Variants in ACACA observed in about 807,000 individuals in gnomAD.
The protein encoded by ACACA is acetyl-CoA carboxylase 1.
In ACACA, 103 loss-of-function variants were observed where a neutral mutation model predicts 296.1. That is an observed-to-expected ratio of 0.35 (90% CI 0.30 to 0.41). The LOEUF (loss-of-function observed/expected upper bound fraction) is 0.41. Among genes scored for constraint, ACACA ranks in the 10% least tolerant of loss-of-function variants. The pLI is 1.00. For missense variants in ACACA, 1,554 were observed against 2,989.7 expected, an observed-to-expected ratio of 0.52 and a Z score of 11.20; for synonymous variants, 953 against 1,038.6, an observed-to-expected ratio of 0.92 and a Z score of 1.58.
chr17:37,366,784 T>TAA, intron 1 of ACACA, among the ~76,000 whole-genome samples: 1 of 149,772 alleles, frequency 6.7e-6, no homozygotes, highest in Middle Eastern at 3.4e-3. Context: ...CACGTCTTTT[T>TAA]AAAAAAAAAA....
chr17:37,283,227 T>C (rs1249101019), intron 5 of ACACA, 40 bp downstream of exon 5: 2 of 1,613,340 alleles, frequency 1.2e-6, no homozygotes, highest in African/African-American at 1.3e-5. Flanking sequence ...TTCCATGTTT[T>C]AGTTTTGAGA....
chr17:37,187,530 A>G (rs1002480641), intron 39 of ACACA, among the ~76,000 whole-genome samples: 4 of 152,236 alleles, frequency 2.6e-5, no homozygotes, highest in African/African-American at 9.6e-5. Flanking sequence ...TTTCAGTATC[A>G]TAGTAAAGAG....
At chr17:37,318,963 C>T (rs1024766563) in intron 3 of ACACA, among the ~76,000 whole-genome samples, 2 of 152,152 alleles carry the variant, frequency 1.3e-5, no homozygotes, top group Non-Finnish European at 2.9e-5. Context: ...ATTAAAATAT[C>T]ATCATTAATG....
chr17:37,217,154 G>A (rs375730570), intron 29 of ACACA, among the ~76,000 whole-genome samples: 13 of 151,166 alleles, frequency 8.6e-5, no homozygotes, highest in Non-Finnish European at 1.6e-4. Context: ...CCAGCTAATC[G>A]GGAGGCTGAG....
In ACACA at chr17:37,113,011, T is replaced by A; in HGVS notation, c.6452+77A>T. ...GATGTGGGTGCTGTAGTGCCATGGC[T>A]GTAACATTCTCCAGGAGGAAACCAA... On this transcript the variant is annotated intron_variant, in intron 51 of 55. Coordinates refer to ENST00000616317, the MANE Select transcript of ACACA (RefSeq NM_198834.3). This position sits in a 1 kb window ranked among gnomAD's most constrained non-coding sequence, Gnocchi z 4.0. The A allele has an allele frequency of 1.3e-6, 2 of 1,562,680 alleles. No homozygotes were observed. Among genetic ancestry groups the A allele is most frequent in the Non-Finnish European group, 1.8e-6 (2 of 1,138,320 alleles).
chr17:37,263,105 T>C (rs761183706), intron 11 of ACACA, among the ~76,000 whole-genome samples: 1 of 152,152 alleles, frequency 6.6e-6, no homozygotes, highest in Non-Finnish European at 1.5e-5. Context: ...ACATAGGAAA[T>C]AGACCTCTAA....
chr17:37,244,695 T>C lies in ACACA; in HGVS notation c.2635A>G (p.Thr879Ala). ...TGGAGTTTCTCGCCTCTGAGTGCCG[T>C]GCTCTGGATCCGTGGCAGACTACCT... The part of the protein sequence containing the change: ...HTGSLPRIQS[T>A]ALRGEKLHRV... The change falls in exon 21 of 56, where the codon ACG becomes GCG. Residue 879 changes from threonine to alanine, a missense_variant. Around this residue, in one of 16 missense-constraint regions of ACACA, gnomAD observed 316 missense variants for 540.9 expected, o/e 0.58. Coordinates refer to ENST00000616317, the MANE Select transcript of ACACA (RefSeq NM_198834.3). 6.2e-7 allele frequency: 1 copy of C among 1,614,188 alleles called. No individual in the cohort carries two copies. Among genetic ancestry groups the C allele is most frequent in the East Asian group, 2.2e-5 (1 of 44,886 alleles).
intron 1 of ACACA, chr17:37,369,369 C>G (rs2049720416): frequency 6.6e-6 from 1 of 152,198 alleles, no homozygotes; most frequent in Admixed American, 6.6e-5. Flanking sequence ...GTGATACACG[C>G]CTGTAGTCCC....
rs2078570467 is a variant in ACACA at position 37,207,736 on chromosome 17, G to A, written c.3772C>T (p.Leu1258=). The change falls in exon 31 of 56, where the codon CTG becomes TTG. Residue 1258 remains leucine (L), a synonymous_variant. Coordinates refer to ENST00000616317, the MANE Select transcript of ACACA (RefSeq NM_198834.3). ...GGTGGAGTGAATGAGTTGTCCAACA[G>A]TACATCGCTGACACTAGCTACATGG... The part of the protein sequence containing the change: ...MTHVASVSDV[L]LDNSFTPPCQ... 1 of 1,613,840 alleles carries A rather than the reference G, an allele frequency of 6.2e-7. No individual in the cohort carries two copies. The highest frequency in any genetic ancestry group is 1.3e-5 in the African/African-American group (1 of 74,912).
At chr17:37,197,227 T>C (rs386493571) in intron 35 of ACACA, among the ~76,000 whole-genome samples, 21 of 152,334 alleles carry the variant, frequency 1.4e-4, no homozygotes, top group Non-Finnish European at 2.6e-4. Context: ...AATCAGTACC[T>C]AACAATATAC....
chr17:37,388,086 G>A (rs1189115318), intron 1 of ACACA, among the ~76,000 whole-genome samples: 2 of 152,124 alleles, frequency 1.3e-5, no homozygotes, highest in African/African-American at 2.4e-5. Flanking sequence ...GATGGTTTGA[G>A]CCTGGGAGAT....
Position 37,085,587 on chromosome 17 carries a change from C to T in ACACA, c.*1729G>A, listed in dbSNP as rs2072145791. 2.5e-6 allele frequency: 1 copy of T among 398,830 alleles called. No individual in the cohort carries two copies. The highest frequency in any genetic ancestry group is 4.4e-6 in the Non-Finnish European group (1 of 226,080). The allele number at this position is 398,830 out of a possible 1,614,324, so 24.7% of individuals were successfully genotyped here. On this transcript the variant is annotated 3_prime_UTR_variant, in exon 56 of 56. Transcript: ENST00000616317. ...TTTTCCTGGACTGAGAATTGTCCCC[C>T]ACCACTTTATGCCCTTTTCTGAAGG...
rs2076472535 is a variant in ACACA, at chr17:37,161,795, C to T, written c.5335G>A (p.Glu1779Lys). The change falls in exon 42 of 56, where the codon GAG (glutamate) becomes AAG (lysine). Residue 1779 changes from glutamate to lysine, a missense_variant. Transcript: ENST00000616317. ...TTAGTGTGTACCTTGTAAGGATCCTCAGGATCTACCCAGGCCACATGAAAC... is the reference window on the plus strand; with the variant it reads ...TTAGTGTGTACCTTGTAAGGATCCTTAGGATCTACCCAGGCCACATGAAAC... ...HMFHVAWVDPEDPYKGYRYLY... is the reference protein window; with the variant it reads ...HMFHVAWVDPKDPYKGYRYLY... 1 of 1,611,822 alleles carries T rather than the reference C, an allele frequency of 6.2e-7. No individual in the cohort carries two copies. Among genetic ancestry groups the T allele is most frequent in the Admixed American group, 1.7e-5 (1 of 60,006 alleles).
chr17:37,232,605 C>G (rs1054803499), intron 25 of ACACA, among the ~76,000 whole-genome samples: 1 of 152,116 alleles, frequency 6.6e-6, no homozygotes, highest in African/African-American at 2.4e-5. Context: ...CCGTCTTGAG[C>G]TTTTACCCAT....
chr17:37,092,346 G>T (rs2072704014), intron 54 of ACACA, among the ~76,000 whole-genome samples: 1 of 151,890 alleles, frequency 6.6e-6, no homozygotes, highest in Non-Finnish European at 1.5e-5. Context: ...GGTGTGATAT[G>T]CTAGGCTGCT....
At chr17:37,269,991 C>A (rs2081997115) in intron 10 of ACACA, among the ~76,000 whole-genome samples, 1 of 152,126 alleles carries the variant, frequency 6.6e-6, no homozygotes, top group Non-Finnish European at 1.5e-5. Context: ...CAAAAAGAGA[C>A]CCCTGTCTCC....
chr17:37,383,892 C>T (rs768327513), intron 1 of ACACA, among the ~76,000 whole-genome samples: 2 of 152,174 alleles, frequency 1.3e-5, no homozygotes, highest in Non-Finnish European at 2.9e-5. Context: ...AACATAATCC[C>T]TTCTACAAGT....
Position 37,176,490 on chromosome 17 carries a change from T to A in ACACA, c.5079+2770A>T, listed in dbSNP as rs78306710. On this transcript the variant is annotated intron_variant, in intron 41 of 55. Coordinates refer to ENST00000616317, the MANE Select transcript of ACACA (RefSeq NM_198834.3). The stretch of plus-strand genomic sequence containing the variant: ...TCTCTTTGGGACAGGACAGATTTAC[T>A]CCAAATCTCATCAGCATGAGCTCTG... 1.4e-3 allele frequency among the ~76,000 whole-genome samples: 220 copies of A among 152,344 alleles called. No individual in the cohort carries two copies. In the East Asian group the frequency reaches 0.034, roughly 24 times the overall value.
chr17:37,340,312 G>C (rs1452051148), intron 1 of ACACA, among the ~76,000 whole-genome samples: 1 of 152,206 alleles, frequency 6.6e-6, no homozygotes, highest in African/African-American at 2.4e-5. Flanking sequence ...TCCCTAAACT[G>C]TAAGGGATCA....
Sources: gnomAD v4.1 joint callset for allele counts (sites outside exome capture counted in the v4.1 genomes callset) on GRCh38, gnomAD v4.1.1 for gene constraint, gnomAD v4.1.1 regional missense constraint, Gnocchi (gnomAD v3.1) non-coding constraint, MANE v1.5 for transcripts, NCBI Gene and HGNC (gene_info 2026-07-23, HGNC 2026-07-21) for gene names.